CFI: variants seen among roughly 807,000 people sequenced by gnomAD.
CFI encodes C3B/C4B inactivator.
A neutral mutation model predicts 78.8 loss-of-function variants in CFI; 66 were observed. That is an observed-to-expected ratio of 0.84 (90% CI 0.69 to 1.03). The LOEUF (loss-of-function observed/expected upper bound fraction) is 1.03, where lower values mean the gene tolerates loss of function less well. Among genes scored for constraint, CFI ranks in the 50% least tolerant of loss-of-function variants. The pLI is 0.00. For missense variants in CFI, 706 were observed against 704.5 expected (o/e 1.00, Z -0.02); for synonymous variants, 250 against 232.6 (o/e 1.07, Z -0.68).
intron 1 of CFI, among the ~76,000 whole-genome samples, chr4:109,770,512 C>T (rs1304059587): frequency 6.7e-6 from 1 of 149,112 alleles, no homozygotes; most frequent in African/African-American, 2.5e-5. Flanking sequence ...GCGGAGACCG[C>T]ACCACTGCAC....
At chr4:109,745,792 T>C (rs1394908143) in intron 11 of CFI, among the ~76,000 whole-genome samples, 1 of 152,150 alleles carries the variant, frequency 6.6e-6, no homozygotes, top group Non-Finnish European at 1.5e-5. Flanking sequence ...CCCCAACAAA[T>C]CCAAACAGTC....
chr4:109,740,048 C>A (rs1310053850), downstream of CFI, among the ~76,000 whole-genome samples: 5 of 152,184 alleles, frequency 3.3e-5, no homozygotes, highest in Admixed American at 2.0e-4. Flanking sequence ...TATCCCAGCA[C>A]TTTGGGAGGC....
intron 6 of CFI, among the ~76,000 whole-genome samples, chr4:109,759,263 A>AT (rs1340534480): frequency 9.6e-6 from 1 of 104,042 alleles, no homozygotes. Flanking sequence ...TAAAAAAAAA[A>AT]AAAATAATAA....
chr4:109,743,730 G>T (rs1358232585), intron 11 of CFI, among the ~76,000 whole-genome samples: 2 of 152,122 alleles, frequency 1.3e-5, no homozygotes, highest in Non-Finnish European at 2.9e-5. Context: ...GATCAGGCTG[G>T]GCACAGTGGC....
rs147240096 is a variant in CFI, at chr4:109,773,650, T to C, written c.58-6826A>G. Reference sequence around the variant, plus strand: ...CCTCGAGAACTACTGGTGTAGGGAGTATGGGACTTAAATCATTCTGTGGGT... The same window carrying C: ...CCTCGAGAACTACTGGTGTAGGGAGCATGGGACTTAAATCATTCTGTGGGT... On this transcript the variant is annotated intron_variant, in intron 1 of 12. Coordinates refer to ENST00000394634, the MANE Select transcript of CFI (RefSeq NM_000204.5). 1.4e-3 allele frequency among the ~76,000 whole-genome samples: 214 copies of C among 151,802 alleles called. 1 individual carries two copies. Among genetic ancestry groups the C allele is most frequent in the African/African-American group, 4.2e-3 (174 of 41,382 alleles).
chr4:109,760,451 T>G, intron 5 of CFI, 71 bp from the exon 6 acceptor site: 1 of 1,496,046 alleles, frequency 6.7e-7, no homozygotes, highest in Non-Finnish European at 9.3e-7. Flanking sequence ...TAAAATTCAA[T>G]AGTAAAGTTG....
chr4:109,754,291 G>T (rs1351834810), intron 7 of CFI, among the ~76,000 whole-genome samples: 1 of 151,424 alleles, frequency 6.6e-6, no homozygotes, highest in Non-Finnish European at 1.5e-5. Flanking sequence ...CTCCCAAGGT[G>T]TTAACATAAG....
intron 3 of CFI, among the ~76,000 whole-genome samples, chr4:109,762,959 T>C (rs1222736671): frequency 2.0e-5 from 3 of 152,138 alleles, no homozygotes; most frequent in Admixed American, 6.5e-5. Flanking sequence ...CCATAAGTTG[T>C]AGGTAACAAA....
intron 1 of CFI, among the ~76,000 whole-genome samples, chr4:109,779,378 T>A (rs1006777066): frequency 6.6e-6 from 1 of 151,972 alleles, no homozygotes; most frequent in Non-Finnish European, 1.5e-5. Context: ...GAACTCCCAT[T>A]CACAATTGCT....
At chr4:109,765,753 G>A (rs562118095) in intron 2 of CFI, among the ~76,000 whole-genome samples, 5 of 149,732 alleles carry the variant, frequency 3.3e-5, no homozygotes, top group East Asian at 3.9e-4. Flanking sequence ...TGGCTCAAGC[G>A]GCCCTTGGAT....
intron 2 of CFI, 96 bp downstream of exon 2, chr4:109,766,458 C>T: frequency 6.8e-7 from 1 of 1,460,238 alleles, no homozygotes; most frequent in Non-Finnish European, 9.5e-7. Flanking sequence ...GAGTTGTCAT[C>T]ATAACATACA....
At position 109,753,484 on chromosome 4, in the gene CFI, TAATAAA is replaced by T; in HGVS notation, c.905-987_905-982del. On this transcript the variant is annotated intron_variant, in intron 7 of 12. Transcript: ENST00000394634. ...ATATATTTATATTAATAAATATTTA[TAATAAA>T]TATTTATAATATATTTATTATATAA... Among the ~76,000 whole-genome samples, 363 of 85,566 alleles carry T rather than the reference TAATAAA, an allele frequency of 4.2e-3. 89 individuals carry two copies. Among genetic ancestry groups the T allele is most frequent in the African/African-American group, 0.017 (353 of 20,554 alleles). 56.1% of individuals were successfully genotyped at this position (85,566 alleles called of 152,430 possible).
At chr4:109,761,415 CTG>C in intron 4 of CFI, 100 bp downstream of exon 4, 4 of 1,148,636 alleles carry the variant, frequency 3.5e-6, no homozygotes, top group Non-Finnish European at 5.3e-6. Flanking sequence ...ATTATTGCCT[CTG>C]TGACTGGCAA....
chr4:109,774,138 T>G (rs936564086), intron 1 of CFI, among the ~76,000 whole-genome samples: 1 of 152,238 alleles, frequency 6.6e-6, no homozygotes, highest in Non-Finnish European at 1.5e-5. Flanking sequence ...CAATATTTAT[T>G]GAGAGCCTAC....
At chr4:109,747,992 G>C (rs1471713300) in intron 10 of CFI, among the ~76,000 whole-genome samples, 2 of 152,270 alleles carry the variant, frequency 1.3e-5, no homozygotes, top group East Asian at 3.9e-4. Context: ...ACTCACCTCA[G>C]TTCCTAACAG....
rs1217846045 is a variant in CFI, at chr4:109,801,774, G to T, written c.57+141C>A. 6 of 585,472 alleles carry T rather than the reference G, an allele frequency of 1.0e-5. No individual in the cohort carries two copies. The East Asian group carries it at 1.5e-4, about 14-fold the overall frequency. The allele number at this position is 585,472 out of a possible 1,614,324, so 36.3% of individuals were successfully genotyped here. ...ATCAAGATATTAACATAAAACATTTGTTGCTGACTATAGAGTGGCATTGTT... is the reference window on the plus strand; with the variant it reads ...ATCAAGATATTAACATAAAACATTTTTTGCTGACTATAGAGTGGCATTGTT... On this transcript the variant is annotated intron_variant, in intron 1 of 12. Transcript: ENST00000394634.
At chr4:109,753,453 T>A (rs1242971430) in intron 7 of CFI, among the ~76,000 whole-genome samples, 1 of 48,310 alleles carries the variant, frequency 2.1e-5, no homozygotes, top group East Asian at 7.3e-4. Flanking sequence ...TAATAAATAT[T>A]TATATATATA....
chr4:109,735,036 C>T, the CFI span, among the ~76,000 whole-genome samples: 2 of 152,090 alleles, frequency 1.3e-5, no homozygotes, highest in South Asian at 2.1e-4. Flanking sequence ...ACTGTACCCT[C>T]GAACTCTTGG....
intron 2 of CFI, among the ~76,000 whole-genome samples, chr4:109,765,923 C>A (rs1031016996): frequency 6.6e-6 from 1 of 152,102 alleles, no homozygotes; most frequent in African/African-American, 2.4e-5. Flanking sequence ...TCGAGACCAT[C>A]CTGGCTAACA....
Sources: gnomAD v4.1 joint callset for allele counts (sites outside exome capture counted in the v4.1 genomes callset) on GRCh38, gnomAD v4.1.1 for gene constraint, MANE v1.5 for transcripts, NCBI Gene and HGNC (gene_info 2026-07-23, HGNC 2026-07-21) for gene names.